Variants in YTHDF3 observed in about 807,000 individuals in gnomAD.
The protein encoded by YTHDF3 is YTH N6-methyladenosine RNA binding protein F3.
In YTHDF3, 9 loss-of-function variants were observed where a neutral mutation model predicts 52.5. The ratio of observed to expected loss-of-function variants is 0.17; its 90% CI spans 0.10 to 0.30. YTHDF3 has a LOEUF of 0.30. Ranked by LOEUF, YTHDF3 falls within the 10% of genes least tolerant of loss-of-function variation. The probability of loss-of-function intolerance (pLI) is 1.00; values close to 1 mark genes in which losing one functional copy is unlikely to be tolerated. For missense variants in YTHDF3, 534 were observed against 715.0 expected (o/e 0.75, Z 2.89); for synonymous variants, 274 against 243.3 (o/e 1.13, Z -1.18).
At position 63,212,609 on chromosome 8, in the gene YTHDF3, G is replaced by A. The variant is rs1458611556; in HGVS notation, c.*2903G>A. ...GATTAAAGGAAGGTTATGATAAAAT[G>A]ATTAGTTCATTTACATTCACTTGTA... On this transcript the variant is annotated 3_prime_UTR_variant, in exon 5 of 5. Transcript: ENST00000539294. 6.6e-6 allele frequency: 1 copy of A among 152,548 alleles called. No individual in the cohort carries two copies. The highest frequency in any genetic ancestry group is 1.9e-4 in the East Asian group (1 of 5,192). 9.4% of individuals were successfully genotyped at this position (152,548 alleles called of 1,614,324 possible).
intron 4 of YTHDF3, among the ~76,000 whole-genome samples, chr8:63,196,400 A>G (rs1464112171): frequency 1.3e-5 from 2 of 151,912 alleles, no homozygotes; most frequent in South Asian, 2.1e-4. Context: ...TGTCTCTACT[A>G]AAAATACAAA....
intron 3 of YTHDF3, among the ~76,000 whole-genome samples, chr8:63,182,869 T>C (rs1321237401): frequency 6.6e-6 from 1 of 152,154 alleles, no homozygotes; most frequent in Non-Finnish European, 1.5e-5. Flanking sequence ...TGTATGCATT[T>C]GATAAGTGGT....
At chr8:63,197,967 C>T (rs995015334) in intron 4 of YTHDF3, among the ~76,000 whole-genome samples, 6 of 152,162 alleles carry the variant, frequency 3.9e-5, no homozygotes, top group Admixed American at 1.3e-4. Context: ...AGTCAGGAAA[C>T]ATAATCCAAG....
intron 4 of YTHDF3, among the ~76,000 whole-genome samples, chr8:63,201,400 T>C (rs1237976966): frequency 6.6e-6 from 1 of 152,238 alleles, no homozygotes; most frequent in African/African-American, 2.4e-5. Flanking sequence ...CATTGTGTTT[T>C]CAATTACATA....
intron 2 of YTHDF3, among the ~76,000 whole-genome samples, chr8:63,172,067 A>T (rs1280838255): frequency 6.6e-6 from 1 of 152,190 alleles, no homozygotes; most frequent in Non-Finnish European, 1.5e-5. Context: ...ATAAGTTTGA[A>T]TTCTTTTTTA....
intron 3 of YTHDF3, among the ~76,000 whole-genome samples, chr8:63,182,453 G>T (rs745375481): frequency 1.3e-5 from 2 of 151,926 alleles, no homozygotes; most frequent in African/African-American, 4.8e-5. Flanking sequence ...TGATTTACTT[G>T]TTGGCCTCTT....
chr8:63,208,117 T>G (rs1810153536), intron 4 of YTHDF3, among the ~76,000 whole-genome samples: 1 of 152,220 alleles, frequency 6.6e-6, no homozygotes, highest in Non-Finnish European at 1.5e-5. Context: ...TTTTGTTATT[T>G]TAGTCTTCCA....
At chr8:63,169,353 TC>T in intron 1 of YTHDF3, 33 bp from the exon 2 acceptor site, 1 of 1,592,384 alleles carries the variant, frequency 6.3e-7, no homozygotes. Context: ...TTCCTTTTTC[TC>T]CTCTTTACCG....
chr8:63,171,651 C>T (rs1299076531), intron 2 of YTHDF3, among the ~76,000 whole-genome samples: 2 of 152,170 alleles, frequency 1.3e-5, no homozygotes, highest in Non-Finnish European at 2.9e-5. Flanking sequence ...GCTTTTCTGC[C>T]TTAGCTTGTT....
intron 2 of YTHDF3, among the ~76,000 whole-genome samples, chr8:63,173,880 T>C (rs889946760): frequency 1.3e-5 from 2 of 152,222 alleles, no homozygotes; most frequent in African/African-American, 4.8e-5. Flanking sequence ...CAGGATCAAG[T>C]TGACCTTCAG....
Position 63,198,397 on chromosome 8 carries a change from G to A in YTHDF3, c.1734+10652G>A, listed in dbSNP as rs188103641. ...TTCTCATGCCTCAGCCTCCCGAGTA[G>A]CCAGGACTACAGGTGTGCGCCACCA... On this transcript the variant is annotated intron_variant, in intron 4 of 4. Transcript: ENST00000539294. 4.5e-3 allele frequency among the ~76,000 whole-genome samples: 678 copies of A among 152,186 alleles called. 3 individuals carry two copies. Among genetic ancestry groups the A allele is most frequent in the Non-Finnish European group, 8.0e-3 (545 of 68,006 alleles).
intron 3 of YTHDF3, among the ~76,000 whole-genome samples, chr8:63,185,766 T>C (rs1444713312): frequency 6.6e-6 from 1 of 152,220 alleles, no homozygotes; most frequent in Non-Finnish European, 1.5e-5. Flanking sequence ...ATACATCAAT[T>C]GATTAAAGTA....
intron 2 of YTHDF3, among the ~76,000 whole-genome samples, chr8:63,173,172 AC>A (rs1298652887): frequency 6.9e-6 from 1 of 145,000 alleles, no homozygotes; most frequent in Non-Finnish European, 1.5e-5. Context: ...AAATAATAGA[AC>A]AAAAAAAATA....
At chr8:63,182,890 A>C (rs1365998716) in intron 3 of YTHDF3, among the ~76,000 whole-genome samples, 1 of 150,780 alleles carries the variant, frequency 6.6e-6, no homozygotes, top group African/African-American at 2.4e-5. Context: ...TGAAATAGTT[A>C]AAATTATAAA....
chr8:63,183,472 T>C (rs1000331056), intron 3 of YTHDF3, among the ~76,000 whole-genome samples: 26 of 152,208 alleles, frequency 1.7e-4, no homozygotes, highest in Admixed American at 1.6e-3. Flanking sequence ...ATTAATTTTG[T>C]CAAGATTTTT....
rs756299619 is a variant in YTHDF3 at position 63,169,359 on chromosome 8, T to G, written c.25-28T>G. 3.8e-6 allele frequency: 6 copies of G among 1,596,728 alleles called. No individual in the cohort carries two copies. The East Asian group carries it at 1.3e-4, about 36-fold the overall frequency. On this transcript the variant is annotated intron_variant, in intron 1 of 4. Coordinates refer to ENST00000539294, the MANE Select transcript of YTHDF3 (RefSeq NM_152758.6). ...TTTCTTTTCTTCCTTTTTCTCCTCT[T>G]TACCGCATCTTTCGTCTTGCAACAC...
At position 63,211,664 on chromosome 8, in the gene YTHDF3, G is replaced by A. The variant is rs1056458137; in HGVS notation, c.*1958G>A. On this transcript the variant is annotated 3_prime_UTR_variant, in exon 5 of 5. Coordinates refer to ENST00000539294, the MANE Select transcript of YTHDF3 (RefSeq NM_152758.6). ...TTATAAAACTAGTTACATTATAAAC[G>A]GTTTCAAACATGTTTAATTTACATT... 2.0e-5 allele frequency: 3 copies of A among 152,360 alleles called. No individual in the cohort carries two copies. The highest frequency in any genetic ancestry group is 2.9e-5 in the Non-Finnish European group (2 of 67,952). The allele number at this position is 152,360 out of a possible 1,614,324, so 9.4% of individuals were successfully genotyped here.
chr8:63,192,955 C>G (rs1809006514), intron 4 of YTHDF3, among the ~76,000 whole-genome samples: 2 of 151,864 alleles, frequency 1.3e-5, no homozygotes, highest in Admixed American at 6.6e-5. Flanking sequence ...AAGTGAATAT[C>G]TTGGAAACCT....
chr8:63,186,099 T>C, intron 3 of YTHDF3, 48 bp from the exon 4 acceptor site: 3 of 1,492,688 alleles, frequency 2.0e-6, no homozygotes, highest in African/African-American at 1.4e-5. Context: ...CTTTTTTTGC[T>C]CTTTTAAGAG....
Sources: allele counts gnomAD v4.1 joint callset (sites outside exome capture counted in the v4.1 genomes callset), GRCh38; gene constraint gnomAD v4.1.1; transcripts MANE v1.5; gene names NCBI Gene and HGNC (gene_info 2026-07-23, HGNC 2026-07-21).